The following OSGEPL1 variants were observed in gnomAD, a reference collection of about 807,000 sequenced individuals.
OSGEPL1 encodes O-sialoglycoprotein endopeptidase like 1, also known as tRNA N6-adenosine threonylcarbamoyltransferase, mitochondrial.
A neutral mutation model predicts 37.2 loss-of-function variants in OSGEPL1; 26 were observed. That is an observed-to-expected ratio of 0.70 (90% CI 0.51 to 0.97). The LOEUF (loss-of-function observed/expected upper bound fraction) is 0.97. OSGEPL1 is among the 50% of genes least tolerant of loss of function. OSGEPL1 has a pLI of 0.00. For missense variants in OSGEPL1, 404 were observed against 487.0 expected, an observed-to-expected ratio of 0.83 and a Z score of 1.60; for synonymous variants, 140 against 159.9, an observed-to-expected ratio of 0.88 and a Z score of 0.94.
chr2:189,759,077 T>A (rs2046552773), intron 2 of OSGEPL1, among the ~76,000 whole-genome samples: 1 of 152,174 alleles, frequency 6.6e-6, no homozygotes, highest in Admixed American at 6.5e-5. Context: ...ACATCATGTC[T>A]CCATAATCAA....
At chr2:189,749,908 G>A (rs754846782) in intron 8 of OSGEPL1, among the ~76,000 whole-genome samples, 3 of 152,116 alleles carry the variant, frequency 2.0e-5, no homozygotes, top group East Asian at 3.9e-4. Flanking sequence ...GATTGCCTGA[G>A]CTCAGGAGTT....
At chr2:189,749,194 C>A (rs1387414787) in intron 8 of OSGEPL1, among the ~76,000 whole-genome samples, 3 of 134,448 alleles carry the variant, frequency 2.2e-5, no homozygotes, top group South Asian at 2.3e-4. Context: ...TGCAGTGAGC[C>A]GAGATCGAGC....
At chr2:189,762,179 T>C (rs2047173527) in intron 1 of OSGEPL1, among the ~76,000 whole-genome samples, 1 of 152,234 alleles carries the variant, frequency 6.6e-6, no homozygotes, top group African/African-American at 2.4e-5. Context: ...TTATCCTTAA[T>C]TGCAATCTTT....
chr2:189,762,618 A>C (rs1186711226), intron 1 of OSGEPL1, 67 bp downstream of exon 1: 1 of 985,320 alleles, frequency 1.0e-6, no homozygotes, highest in Non-Finnish European at 1.2e-6. Context: ...CGACGGGCGC[A>C]AACTGGAACC....
Position 189,755,414 on chromosome 2 carries a change from C to G in OSGEPL1, c.368G>C (p.Ser123Thr). 6.2e-7 allele frequency: 1 copy of G among 1,610,788 alleles called. No homozygotes were observed. The highest frequency in any genetic ancestry group is 2.2e-5 in the East Asian group (1 of 44,866). Residue 123 changes from serine to threonine, a missense_variant, in exon 3 of 9, where the codon AGC (serine) becomes ACC (threonine). Physicochemically the swap from Ser to Thr is moderately conservative, Grantham distance 58 (BLOSUM62 1). Coordinates refer to ENST00000264151, the MANE Select transcript of OSGEPL1 (RefSeq NM_022353.3). ...ATTIKPGLAL[S>T]LGVGLSFSLQ... ...GCTAAATGATAAGCCCACTCCCAGG[C>G]TTAAAGCAAGTCCTGGTTTTATGGT...
At chr2:189,750,989 C>G (rs1479257702) in intron 7 of OSGEPL1, among the ~76,000 whole-genome samples, 1 of 152,042 alleles carries the variant, frequency 6.6e-6, no homozygotes, top group Non-Finnish European at 1.5e-5. Context: ...AAGGTAAAAA[C>G]ATTTTTGCCA....
At position 189,755,350 on chromosome 2, in the gene OSGEPL1, G is replaced by A; in HGVS notation, c.432C>T (p.Pro144=). 1 of 1,613,460 alleles carries A rather than the reference G, an allele frequency of 6.2e-7. No homozygotes were observed. Among genetic ancestry groups the A allele is most frequent in the Non-Finnish European group, 8.5e-7 (1 of 1,179,690 alleles). The part of the protein sequence containing the change: ...LVGQLKKPFI[P]IHHMEAHALT... ...GTGCATGAGCCTCCATATGATGAAT[G>A]GGAATGAATGGCTTTTTTAACTGTC... The change falls in exon 3 of 9, where the codon CCC becomes CCT. Residue 144 remains proline, a synonymous_variant. Coordinates refer to ENST00000264151, the MANE Select transcript of OSGEPL1 (RefSeq NM_022353.3).
chr2:189,755,132 CAACAT>C, intron 3 of OSGEPL1, 36 bp downstream of exon 3: 1 of 1,582,486 alleles, frequency 6.3e-7, no homozygotes. Flanking sequence ...TTGAAATGGA[CAACAT>C]AACAAAAAAG....
intron 8 of OSGEPL1, among the ~76,000 whole-genome samples, chr2:189,749,961 A>T (rs1271560898): frequency 6.6e-6 from 1 of 152,042 alleles, no homozygotes. Flanking sequence ...ATCTCTACTA[A>T]AAAAACAAAA....
At chr2:189,760,169 C>T (rs1487213557) in intron 2 of OSGEPL1, among the ~76,000 whole-genome samples, 2 of 152,228 alleles carry the variant, frequency 1.3e-5, no homozygotes, top group Non-Finnish European at 2.9e-5. Flanking sequence ...TCTACACAGA[C>T]ATATTAACAA....
At chr2:189,761,196 A>G in intron 2 of OSGEPL1, 1 of 366,928 alleles carries the variant, frequency 2.7e-6, no homozygotes, top group Non-Finnish European at 4.8e-6. Flanking sequence ...GCTGGGAATG[A>G]GCTCAGTTTC....
intron 2 of OSGEPL1, among the ~76,000 whole-genome samples, chr2:189,758,313 G>A (rs948636770): frequency 1.3e-5 from 2 of 152,044 alleles, no homozygotes; most frequent in Non-Finnish European, 2.9e-5. Flanking sequence ...CCCGGGAGGC[G>A]GAGGTTGTGA....
Position 189,761,457 on chromosome 2 carries a change from C to T in OSGEPL1, c.184G>A (p.Gly62Arg). Residue 62 changes from glycine to arginine, a missense_variant, in exon 2 of 9, where the codon GGA (glycine) becomes AGA (arginine). Coordinates refer to ENST00000264151, the MANE Select transcript of OSGEPL1 (RefSeq NM_022353.3). ...TCAGTTTGGGAATGTATTGCTTCTC[C>T]CAACACATTTCCAGTTTCATCCACC... ...AVVDETGNVL[G>R]EAIHSQTEVH... The T allele has an allele frequency of 6.2e-7, 1 of 1,611,682 alleles. No individual in the cohort carries two copies. The highest frequency in any genetic ancestry group is 8.5e-7 in the Non-Finnish European group (1 of 1,179,044).
chr2:189,755,552 C>T lies in OSGEPL1; in HGVS notation c.230G>A (p.Gly77Glu), dbSNP rs775557271. 5 of 1,584,082 alleles carry T rather than the reference C, an allele frequency of 3.2e-6. No homozygotes were observed. Among genetic ancestry groups the T allele is most frequent in the Non-Finnish European group, 4.3e-6 (5 of 1,172,598 alleles). ...CTGTTGAGCTGCTGGAGGAACAATC[C>T]CACCTGTTCTGAAAGAAAGAAAGAC... ...SQTEVHLKTG[G>E]IVPPAAQQLH... Residue 77 changes from glycine (G) to glutamate (E), a missense_variant, in exon 3 of 9, where the codon GGG (glycine) becomes GAG (glutamate). Coordinates refer to ENST00000264151, the MANE Select transcript of OSGEPL1 (RefSeq NM_022353.3).
chr2:189,752,979 C>T lies in OSGEPL1; in HGVS notation c.964G>A (p.Val322Ile). ...DLLPQNNAVLVASGGVASNFY... is the reference protein window; with the variant it reads ...DLLPQNNAVLIASGGVASNFY... ...TTACTTGCGACACCACCAGATGCAA[C>T]CTGAAGGAATTGAGAAAACCAAAAT... is the stretch of plus-strand genomic sequence containing the variant. The change falls in exon 6 of 9, where the codon GTT becomes ATT. Residue 322 changes from valine (V) to isoleucine (I), a missense_variant and splice_region_variant. Val to Ile is a conservative substitution (Grantham distance 29). Coordinates refer to ENST00000264151, the MANE Select transcript of OSGEPL1 (RefSeq NM_022353.3). 1 of 1,604,782 alleles carries T rather than the reference C, an allele frequency of 6.2e-7. No individual in the cohort carries two copies. Among genetic ancestry groups the T allele is most frequent in the South Asian group, 1.1e-5 (1 of 89,032 alleles).
intron 7 of OSGEPL1, among the ~76,000 whole-genome samples, chr2:189,750,969 CAAAGCT>C (rs2045090398): frequency 6.6e-6 from 1 of 152,136 alleles, no homozygotes; most frequent in South Asian, 2.1e-4. Context: ...TAATTCTCTA[CAAAGCT>C]AAAAAGGTAA....
chr2:189,747,438 AG>A (rs1165094641), intron 8 of OSGEPL1: 1 of 152,188 alleles, frequency 6.6e-6, no homozygotes, highest in Non-Finnish European at 1.5e-5. Flanking sequence ...AGGGAAAAAA[AG>A]TTTTATTTAA....
intron 2 of OSGEPL1, among the ~76,000 whole-genome samples, chr2:189,759,408 C>T (rs887400886): frequency 6.6e-6 from 1 of 152,172 alleles, no homozygotes; most frequent in Admixed American, 6.5e-5. Flanking sequence ...GCCACCACGC[C>T]TGGCTAATTT....
In OSGEPL1 at chr2:189,755,560, T is replaced by C. The variant is rs2045950644; in HGVS notation, c.222A>G (p.Lys74=). The change falls in exon 3 of 9, where the codon AAA becomes AAG. Residue 74 remains lysine (K), a splice_region_variant and synonymous_variant. Coordinates refer to ENST00000264151, the MANE Select transcript of OSGEPL1 (RefSeq NM_022353.3). ...AIHSQTEVHL[K]TGGIVPPAAQ... ...CTGCTGGAGGAACAATCCCACCTGT[T>C]CTGAAAGAAAGAAAGACAGCATTTT... is the stretch of plus-strand genomic sequence containing the variant. 6 of 1,578,140 alleles carry C rather than the reference T, an allele frequency of 3.8e-6. No homozygotes were observed. Among genetic ancestry groups the C allele is most frequent in the Non-Finnish European group, 5.1e-6 (6 of 1,171,402 alleles).
Sources: gnomAD v4.1 joint callset for allele counts (sites outside exome capture counted in the v4.1 genomes callset) on GRCh38, gnomAD v4.1.1 for gene constraint, MANE v1.5 for transcripts, NCBI Gene and HGNC (gene_info 2026-07-23, HGNC 2026-07-21) for gene names.